Variants in NALF1 observed in about 807,000 individuals in gnomAD.
NALF1 encodes the protein family with sequence similarity 155 member A.
Under a neutral mutation model 48.4 loss-of-function variants are expected in NALF1, and 3 were observed. That is an observed-to-expected ratio of 0.06 (90% CI 0.03 to 0.16). The LOEUF is 0.16. Ranked by LOEUF, NALF1 falls within the 10% of genes least tolerant of loss-of-function variation. The probability of loss-of-function intolerance (pLI) is 1.00; values close to 1 mark genes in which losing one functional copy is unlikely to be tolerated. For synonymous variants in NALF1, 262 were observed against 245.7 expected, an observed-to-expected ratio of 1.07 and a Z score of -0.62; for missense variants, 526 against 571.5, an observed-to-expected ratio of 0.92 and a Z score of 0.81.
chr13:107,787,197 G>C (rs1856966), intron 1 of NALF1, among the ~76,000 whole-genome samples: 1 of 152,008 alleles, frequency 6.6e-6, no homozygotes, highest in Non-Finnish European at 1.5e-5. Flanking sequence ...CTTTTAACCA[G>C]TTCTTTGTAC....
At chr13:107,478,599 A>T (rs1382076890) in intron 1 of NALF1, among the ~76,000 whole-genome samples, 2 of 152,170 alleles carry the variant, frequency 1.3e-5, no homozygotes, top group Non-Finnish European at 2.9e-5. Context: ...AAACAAAAAC[A>T]AAGTGGACAT....
At chr13:107,223,824 C>G (rs984539664) in intron 1 of NALF1, among the ~76,000 whole-genome samples, 34 of 152,162 alleles carry the variant, frequency 2.2e-4, no homozygotes, top group African/African-American at 8.0e-4. Context: ...CTCTGCAAGT[C>G]TTTGAACCCA....
At chr13:107,202,957 G>T (rs1359022258) in intron 2 of NALF1, among the ~76,000 whole-genome samples, 1 of 152,138 alleles carries the variant, frequency 6.6e-6, no homozygotes, top group Non-Finnish European at 1.5e-5. Flanking sequence ...AATCCTCAAG[G>T]CATCAAACTA....
Position 107,183,560 on chromosome 13 carries a change from A to G in NALF1, c.1088-12774T>C, listed in dbSNP as rs530228767. ...CATGCACATGTATGTTTATTGCGGC[A>G]CTGTTCACAATAGCAAAGATGTGGA... On this transcript the variant is annotated intron_variant, in intron 2 of 2. Coordinates refer to ENST00000375915, the MANE Select transcript of NALF1 (RefSeq NM_001080396.3). Among the ~76,000 whole-genome samples, 14 of 152,284 alleles carry G rather than the reference A, an allele frequency of 9.2e-5. No individual in the cohort carries two copies. The South Asian group carries it at 2.9e-3, about 32-fold the overall frequency.
At chr13:107,469,821 GC>G (rs1339914725) in intron 1 of NALF1, among the ~76,000 whole-genome samples, 1 of 132,802 alleles carries the variant, frequency 7.5e-6, no homozygotes, top group Non-Finnish European at 1.5e-5. Context: ...TCAGCTCACT[GC>G]AAGCTCCACC....
chr13:107,647,382 C>T (rs551504901), intron 1 of NALF1, among the ~76,000 whole-genome samples: 1 of 150,628 alleles, frequency 6.6e-6, no homozygotes, highest in African/African-American at 2.4e-5. Flanking sequence ...TCTACTAAAT[C>T]AAAAAAGAAC....
chr13:107,574,501 G>A (rs1430734193), intron 1 of NALF1, among the ~76,000 whole-genome samples: 2 of 152,172 alleles, frequency 1.3e-5, no homozygotes, highest in African/African-American at 4.8e-5. Flanking sequence ...TGTTAAATAT[G>A]GTCATTGAAT....
Position 107,511,990 on chromosome 13 carries a change from A to C in NALF1, c.916-301235T>G, listed in dbSNP as rs547430198. 1.8e-4 allele frequency among the ~76,000 whole-genome samples: 28 copies of C among 152,318 alleles called. No homozygotes were observed. In the South Asian group the frequency reaches 5.8e-3, roughly 32 times the overall value. On this transcript the variant is annotated intron_variant, in intron 1 of 2. Transcript: ENST00000375915. ...TGGCTGTCTTTGATGGCTTTACTGA[A>C]AGTCAAATGCCAAATATGTGTAATG...
intron 1 of NALF1, among the ~76,000 whole-genome samples, chr13:107,826,786 A>G (rs1040147935): frequency 7.9e-5 from 12 of 152,216 alleles, no homozygotes; most frequent in African/African-American, 2.9e-4. Context: ...TTCCTTGTTT[A>G]CATGACCTTG....
intron 1 of NALF1, among the ~76,000 whole-genome samples, chr13:107,638,086 C>T (rs189153525): frequency 1.2e-3 from 187 of 150,730 alleles, no homozygotes; most frequent in African/African-American, 3.9e-3. Flanking sequence ...CATCTAAAAA[C>T]GACATCATCT....
chr13:107,204,796 T>C (rs1312119986), intron 2 of NALF1, among the ~76,000 whole-genome samples: 1 of 152,194 alleles, frequency 6.6e-6, no homozygotes, highest in Non-Finnish European at 1.5e-5. Context: ...TTAAAATATT[T>C]TGTATGAGAT....
intron 1 of NALF1, among the ~76,000 whole-genome samples, chr13:107,244,636 C>A (rs1880542606): frequency 6.6e-6 from 1 of 152,038 alleles, no homozygotes; most frequent in Admixed American, 6.6e-5. Context: ...TCTGAGTAGT[C>A]CTATTTTTGT....
chr13:107,568,764 A>G (rs898169265), intron 1 of NALF1, among the ~76,000 whole-genome samples: 3 of 152,226 alleles, frequency 2.0e-5, no homozygotes, highest in African/African-American at 7.2e-5. Flanking sequence ...ATGTCTGTGC[A>G]TGTTTTTTGA....
chr13:107,587,837 G>A (rs1009128998), intron 1 of NALF1, among the ~76,000 whole-genome samples: 3 of 152,078 alleles, frequency 2.0e-5, no homozygotes, highest in Non-Finnish European at 4.4e-5. Flanking sequence ...CTGAACAGGT[G>A]CACAGCTCTC....
intron 1 of NALF1, among the ~76,000 whole-genome samples, chr13:107,773,579 T>A (rs1877638980): frequency 1.3e-5 from 2 of 152,094 alleles, no homozygotes. Context: ...CAAAGATCTC[T>A]TATTTTTAAC....
At chr13:107,582,128 T>G (rs1011144983) in intron 1 of NALF1, among the ~76,000 whole-genome samples, 2 of 151,562 alleles carry the variant, frequency 1.3e-5, no homozygotes, top group African/African-American at 4.8e-5. Context: ...TCAAAAATAA[T>G]GAGAAAGATA....
chr13:107,781,206 T>C (rs1877876639), intron 1 of NALF1, among the ~76,000 whole-genome samples: 1 of 152,210 alleles, frequency 6.6e-6, no homozygotes, highest in Non-Finnish European at 1.5e-5. Context: ...TCTGTGTTTT[T>C]TGAAACCAGA....
Position 107,343,484 on chromosome 13 carries a change from TTC to T in NALF1, c.916-132731_916-132730del, listed in dbSNP as rs35631323. 7.5e-3 allele frequency among the ~76,000 whole-genome samples: 1,135 copies of T among 152,232 alleles called. 10 individuals carry two copies. Among genetic ancestry groups the T allele is most frequent in the African/African-American group, 0.024 (979 of 41,550 alleles). On this transcript the variant is annotated intron_variant, in intron 1 of 2. Transcript: ENST00000375915. ...AAAAAGAGGAGTTCCCCTGCACAAATTCTCTCTCTTTTCCTGCTGCCATCTAT... is the reference window on the plus strand; with the variant it reads ...AAAAAGAGGAGTTCCCCTGCACAAATTCTCTCTTTTCCTGCTGCCATCTAT...
At chr13:107,306,455 A>G (rs1881938285) in intron 1 of NALF1, among the ~76,000 whole-genome samples, 1 of 152,170 alleles carries the variant, frequency 6.6e-6, no homozygotes, top group Non-Finnish European at 1.5e-5. Context: ...GGTATTAATA[A>G]TGAAATCTGA....
Sources: gnomAD v4.1 joint callset for allele counts (sites outside exome capture counted in the v4.1 genomes callset) on GRCh38, gnomAD v4.1.1 for gene constraint, MANE v1.5 for transcripts, NCBI Gene and HGNC (gene_info 2026-07-23, HGNC 2026-07-21) for gene names.